ACAD10: variants seen among roughly 807,000 people sequenced by gnomAD.
The protein encoded by ACAD10 is ACAD-10.
In ACAD10, 112 loss-of-function variants were observed where a neutral mutation model predicts 116.8. The observed-to-expected ratio is 0.96, with a 90% CI of 0.82 to 1.12. ACAD10 has a LOEUF of 1.12. ACAD10 is among the 50% of genes most tolerant of loss of function. The pLI, the probability that ACAD10 is intolerant of heterozygous loss-of-function variation, is 0.00. For synonymous variants in ACAD10, 486 were observed against 510.6 expected (o/e 0.95, Z 0.65); for missense variants, 1,259 against 1,350.2 (o/e 0.93, Z 1.06).
At chr12:111,700,996 C>T (rs1398258734) in intron 2 of ACAD10, among the ~76,000 whole-genome samples, 5 of 151,926 alleles carry the variant, frequency 3.3e-5, no homozygotes, top group Non-Finnish European at 7.4e-5. Context: ...TAGCCTCAAG[C>T]GATCCTCCCA....
chr12:111,708,709 C>T (rs1041679460), intron 4 of ACAD10, among the ~76,000 whole-genome samples: 1 of 151,960 alleles, frequency 6.6e-6, no homozygotes, highest in African/African-American at 2.4e-5. Context: ...TGGTTATAGG[C>T]TATGTGGCTA....
intron 2 of ACAD10, among the ~76,000 whole-genome samples, chr12:111,696,173 C>T (rs1261958391): frequency 6.6e-6 from 1 of 151,840 alleles, no homozygotes; most frequent in African/African-American, 2.4e-5. Context: ...GCAATCCTGC[C>T]TCAGGCTCCC....
chr12:111,701,990 T>C (rs1335631224), intron 2 of ACAD10, among the ~76,000 whole-genome samples, 172 bp from the exon 3 acceptor site: 1 of 152,216 alleles, frequency 6.6e-6, no homozygotes, highest in Non-Finnish European at 1.5e-5. Flanking sequence ...TTGCTCTTCC[T>C]CTGGGGGTCT....
At chr12:111,717,610 G>T (rs2135962395) in intron 7 of ACAD10, among the ~76,000 whole-genome samples, 1 of 151,184 alleles carries the variant, frequency 6.6e-6, no homozygotes, top group African/African-American at 2.4e-5. Flanking sequence ...CTATTGTCCA[G>T]GCTGGAGTAC....
At position 111,756,448 on chromosome 12, in the gene ACAD10, A is replaced by G; in HGVS notation, c.3155A>G (p.Lys1052Arg). ...PDEVHRATVAKLELKHRI is the reference protein window; with the variant it reads ...PDEVHRATVARLELKHRI ...GAGGTGCACCGGGCCACGGTGGCCA[A>G]GCTAGAGCTGAAGCACCGCATTTAG... Residue 1052 changes from lysine (K) to arginine (R), a missense_variant, in exon 21 of 21, where the codon AAG becomes AGG. Lys to Arg is a conservative substitution (Grantham distance 26). Coordinates refer to ENST00000313698, the MANE Select transcript of ACAD10 (RefSeq NM_025247.6). The G allele has an allele frequency of 1.2e-6, 2 of 1,612,770 alleles. No individual in the cohort carries two copies. Among genetic ancestry groups the G allele is most frequent in the Non-Finnish European group, 8.5e-7 (1 of 1,179,866 alleles).
Position 111,745,835 on chromosome 12 carries a change from CT to C in ACAD10, c.2116-285del, listed in dbSNP as rs532150491. On this transcript the variant is annotated intron_variant, in intron 13 of 20. Transcript: ENST00000313698. ...TACAGGCGTGAGCCACCATCTCTCT[CT>C]TTTTTTTTTTTTTTTTTTTTTTTGA... Among the ~76,000 whole-genome samples, 561 of 104,776 alleles carry C rather than the reference CT, an allele frequency of 5.4e-3. 3 individuals are homozygous for C. The highest frequency in any genetic ancestry group is 0.014 in the African/African-American group (375 of 27,050). 68.7% of individuals were successfully genotyped at this position (104,776 alleles called of 152,430 possible). A position where few individuals can be genotyped will look rare whatever the true frequency, so the allele number is the denominator to read the frequency against.
At chr12:111,727,692 G>T (rs942955698) in intron 8 of ACAD10, among the ~76,000 whole-genome samples, 4 of 152,142 alleles carry the variant, frequency 2.6e-5, no homozygotes, top group Admixed American at 2.6e-4. Context: ...TGCTGTCCAA[G>T]AAGCATAGAT....
In ACAD10 at chr12:111,706,782, A is replaced by ATATATTTTTTTTT. The variant is rs778649893; in HGVS notation, c.531+851_531+852insATATTTTTTTTTT. 4.1e-3 allele frequency among the ~76,000 whole-genome samples: 516 copies of ATATATTTTTTTTT among 126,312 alleles called. 3 individuals carry two copies. Among genetic ancestry groups the ATATATTTTTTTTT allele is most frequent in the African/African-American group, 0.016 (489 of 31,470 alleles). The allele number at this position is 126,312 out of a possible 152,430, so 82.9% of individuals were successfully genotyped here. On this transcript the variant is annotated intron_variant, in intron 4 of 20. Transcript: ENST00000313698. Reference sequence around the variant, plus strand: ...TTTTTTTATATATATATATATATATATTTTTTTTTTTGAGACCATCTCACT... The same window carrying ATATATTTTTTTTT: ...TTTTTTTATATATATATATATATATATATATTTTTTTTTTTTTTTTTTTTGAGACCATCTCACT...
At chr12:111,720,407 G>A (rs994971661) in intron 7 of ACAD10, among the ~76,000 whole-genome samples, 11 of 151,974 alleles carry the variant, frequency 7.2e-5, no homozygotes, top group Non-Finnish European at 4.4e-5. Context: ...TAAGACTTGT[G>A]GATTTCTCCA....
At chr12:111,710,180 C>T in intron 5 of ACAD10, 1 of 390,086 alleles carries the variant, frequency 2.6e-6, no homozygotes, top group Non-Finnish European at 5.1e-6. Context: ...GCCTCAACCT[C>T]CTGGGCTTAA....
At chr12:111,735,922 C>G (rs535036632) in intron 11 of ACAD10, among the ~76,000 whole-genome samples, 1 of 152,086 alleles carries the variant, frequency 6.6e-6, no homozygotes, top group South Asian at 2.1e-4. Context: ...CTCTGTCGCC[C>G]AGGCTGGACC....
intron 19 of ACAD10, 23 bp downstream of exon 19, chr12:111,753,938 G>T (rs1385041519): frequency 6.3e-7 from 1 of 1,580,606 alleles, no homozygotes; most frequent in Admixed American, 1.7e-5. Context: ...GCACGAGGGG[G>T]CCTCCCAGAG....
rs755922722 is a variant in ACAD10, at chr12:111,749,362, G to A, written c.2817+17G>A. 182 of 1,594,614 alleles carry A rather than the reference G, an allele frequency of 1.1e-4. No individual in the cohort carries two copies. Among genetic ancestry groups the A allele is most frequent in the East Asian group, 3.6e-4 (16 of 44,484 alleles). The stretch of plus-strand genomic sequence containing the variant: ...AAGGCCCGCGTGAGTGCTTTCCCCC[G>A]CACCCAGCACTGACTCAGAACCACC... On this transcript the variant is annotated intron_variant, in intron 18 of 20. Transcript: ENST00000313698.
intron 16 of ACAD10, among the ~76,000 whole-genome samples, 196 bp from the exon 17 acceptor site, chr12:111,748,121 T>C (rs577118616): frequency 6.6e-6 from 1 of 152,336 alleles, no homozygotes; most frequent in African/African-American, 2.4e-5. Context: ...GATGTTGGAT[T>C]CATTCCTCAC....
chr12:111,737,115 GC>G, intron 12 of ACAD10, 111 bp downstream of exon 12: 2 of 960,324 alleles, frequency 2.1e-6, no homozygotes, highest in Non-Finnish European at 3.0e-6. Flanking sequence ...GACCGATTTG[GC>G]CAGGATTCTC....
chr12:111,732,459 GAC>G (rs759593532), intron 10 of ACAD10, among the ~76,000 whole-genome samples: 1 of 152,114 alleles, frequency 6.6e-6, no homozygotes, highest in Non-Finnish European at 1.5e-5. Flanking sequence ...AAATGTCTGA[GAC>G]TGATATATAC....
intron 16 of ACAD10, 26 bp from the exon 17 acceptor site, chr12:111,748,291 G>C: frequency 6.2e-7 from 1 of 1,613,086 alleles, no homozygotes; most frequent in African/African-American, 1.3e-5. Context: ...CAGATGATGG[G>C]GTCTGTCTCT....
intron 2 of ACAD10, among the ~76,000 whole-genome samples, chr12:111,700,823 A>G (rs1256698054): frequency 7.2e-6 from 1 of 139,668 alleles, no homozygotes; most frequent in African/African-American, 2.7e-5. Context: ...CGGTGGCACC[A>G]TCATAGCTCA....
Position 111,756,588 on chromosome 12 carries a change from C to G in ACAD10, c.*115C>G, listed in dbSNP as rs568300809. 5 of 1,478,302 alleles carry G rather than the reference C, an allele frequency of 3.4e-6. No homozygotes were observed. The highest frequency in any genetic ancestry group is 4.6e-6 in the Non-Finnish European group (5 of 1,092,670). The allele number at this position is 1,478,302 out of a possible 1,614,324, so 91.6% of individuals were successfully genotyped here. A position where few individuals can be genotyped will look rare whatever the true frequency, so the allele number is the denominator to read the frequency against. Reference sequence around the variant, plus strand: ...GGCTCCTGCACCCTGCTCAGCAGCTCTGTCCCGGGACAGTCAGGGTGGACT... The same window carrying G: ...GGCTCCTGCACCCTGCTCAGCAGCTGTGTCCCGGGACAGTCAGGGTGGACT... On this transcript the variant is annotated 3_prime_UTR_variant, in exon 21 of 21. Transcript: ENST00000313698.
Sources: gnomAD v4.1 joint callset for allele counts (sites outside exome capture counted in the v4.1 genomes callset) on GRCh38, gnomAD v4.1.1 for gene constraint, MANE v1.5 for transcripts, NCBI Gene and HGNC (gene_info 2026-07-23, HGNC 2026-07-21) for gene names.